The following RIPOR2 variants were observed in gnomAD, a reference collection of about 807,000 sequenced individuals.
RIPOR2 encodes the protein rho family-interacting cell polarization regulator 2.
Under a neutral mutation model 114.5 loss-of-function variants are expected in RIPOR2, and 39 were observed. That is an observed-to-expected ratio of 0.34 (90% CI 0.26 to 0.44). The LOEUF (loss-of-function observed/expected upper bound fraction) is 0.44. RIPOR2 is among the 20% of genes least tolerant of loss of function. The pLI is 1.00. For synonymous variants in RIPOR2, 445 were observed against 484.4 expected (o/e 0.92, Z 1.07); for missense variants, 1,007 against 1,255.1 (o/e 0.80, Z 2.99).
intron 21 of RIPOR2, 42 bp from the exon 22 acceptor site, chr6:24,806,515 G>T (rs773105127): frequency 7.3e-7 from 1 of 1,375,106 alleles, no homozygotes; most frequent in Non-Finnish European, 1.0e-6. Flanking sequence ...TTCAAACAAC[G>T]TTTTTATTAA....
intron 12 of RIPOR2, among the ~76,000 whole-genome samples, chr6:24,845,374 C>T (rs1762159153): frequency 6.6e-6 from 1 of 152,118 alleles, no homozygotes; most frequent in African/African-American, 2.4e-5. Flanking sequence ...TGCCTGGAGC[C>T]TTCTCCCTAG....
At chr6:24,828,046 AGGC>A in intron 18 of RIPOR2, 88 bp downstream of exon 18, 1 of 1,157,428 alleles carries the variant, frequency 8.6e-7, no homozygotes, top group Non-Finnish European at 1.2e-6. Context: ...GAAAAATAAA[AGGC>A]CATCATTGCC....
At position 24,868,684 on chromosome 6, in the gene RIPOR2, G is replaced by A. The variant is rs368153964; in HGVS notation, c.501+410C>T. Among the ~76,000 whole-genome samples, 104 of 152,256 alleles carry A rather than the reference G, an allele frequency of 6.8e-4. 1 individual carries two copies. The South Asian group carries it at 0.019, about 28-fold the overall frequency. ...AGATTGAGGGAGGCGCTGAGACAGT[G>A]GTCTTTTGGTAGTTATAAGGCCTTC... is the stretch of plus-strand genomic sequence containing the variant. On this transcript the variant is annotated intron_variant, in intron 6 of 21. Coordinates refer to ENST00000643898, the MANE Select transcript of RIPOR2 (RefSeq NM_001286445.3).
rs1308464015 is a variant in RIPOR2, at chr6:24,927,146, C to CAACTACAAT, written c.61+8691_61+8692insATTGTAGTT. On this transcript the variant is annotated intron_variant, in intron 1 of 21. Coordinates refer to ENST00000643898, the MANE Select transcript of RIPOR2 (RefSeq NM_001286445.3). ...AATCATCATCTCACTACCACCACCA[C>CAACTACAAT]CACCACCACCACCACAACTACAATC... is the stretch of plus-strand genomic sequence containing the variant. Among the ~76,000 whole-genome samples, 38 of 97,368 alleles carry CAACTACAAT rather than the reference C, an allele frequency of 3.9e-4. 13 individuals are homozygous for CAACTACAAT. Among genetic ancestry groups the CAACTACAAT allele is most frequent in the Non-Finnish European group, 5.1e-4 (24 of 46,752 alleles). The allele number at this position is 97,368 out of a possible 152,430, so 63.9% of individuals were successfully genotyped here.
At position 24,835,887 on chromosome 6, in the gene RIPOR2, A is replaced by G; in HGVS notation, c.2040-16T>C. 1.9e-6 allele frequency: 3 copies of G among 1,551,002 alleles called. No individual in the cohort carries two copies. Among genetic ancestry groups the G allele is most frequent in the Non-Finnish European group, 2.6e-6 (3 of 1,146,710 alleles). On this transcript the variant is annotated splice_polypyrimidine_tract_variant and intron_variant, in intron 14 of 21. Transcript: ENST00000643898. The stretch of plus-strand genomic sequence containing the variant: ...CGACCTGTAACTATTGAAGGTGGGC[A>G]AAACATTAGCTATTCTTTTTCTGTG...
intron 1 of RIPOR2, among the ~76,000 whole-genome samples, chr6:25,024,730 C>T (rs1047911311): frequency 6.6e-6 from 1 of 152,194 alleles, no homozygotes; most frequent in African/African-American, 2.4e-5. Context: ...TGCTGTTTCT[C>T]CTAACTTGTA....
chr6:24,844,473 C>CTT (rs1473218248), intron 12 of RIPOR2, among the ~76,000 whole-genome samples: 2 of 143,522 alleles, frequency 1.4e-5, no homozygotes, highest in Non-Finnish European at 3.1e-5. Context: ...GTTAATTTTT[C>CTT]TTTTTTTTTT....
chr6:24,858,392 T>C lies in RIPOR2; in HGVS notation c.715+2581A>G, dbSNP rs1423786043. 6.6e-6 allele frequency among the ~76,000 whole-genome samples: 1 copy of C among 152,192 alleles called. No homozygotes were observed. The highest frequency in any genetic ancestry group is 1.5e-5 in the Non-Finnish European group (1 of 68,032). On this transcript the variant is annotated intron_variant, in intron 8 of 21. Coordinates refer to ENST00000643898, the MANE Select transcript of RIPOR2 (RefSeq NM_001286445.3). This position sits in a 1 kb window ranked among gnomAD's most constrained non-coding sequence, Gnocchi z 4.0. ...GGGTGTGGCACGAGGAAGTTAGTGG[T>C]TGCCAGGTCTGAGAGTATTGTGAAA...
rs1381023388 is a variant in RIPOR2 at position 24,806,034 on chromosome 6, GA to G, written c.*338del. 8.9e-6 allele frequency: 2 copies of G among 224,826 alleles called. No individual in the cohort carries two copies. Among genetic ancestry groups the G allele is most frequent in the Non-Finnish European group, 1.7e-5 (2 of 115,150 alleles). 13.9% of individuals were successfully genotyped at this position (224,826 alleles called of 1,614,324 possible). On this transcript the variant is annotated 3_prime_UTR_variant, in exon 22 of 22. Coordinates refer to ENST00000643898, the MANE Select transcript of RIPOR2 (RefSeq NM_001286445.3). ...GGGCAATTATGGCTCACTGCAGCCT[GA>G]ATCTTCTGGGCTCAAGCAATCCTCC...
At chr6:24,846,454 T>TACC (rs1384121315) in intron 12 of RIPOR2, among the ~76,000 whole-genome samples, 1 of 151,964 alleles carries the variant, frequency 6.6e-6, no homozygotes, top group African/African-American at 2.4e-5. Flanking sequence ...CACAAGTGTG[T>TACC]ACCACCACAA....
intron 19 of RIPOR2, among the ~76,000 whole-genome samples, chr6:24,823,069 C>T (rs549886453): frequency 6.6e-6 from 1 of 152,342 alleles, no homozygotes; most frequent in African/African-American, 2.4e-5. Context: ...ATATTTCCTA[C>T]TTGTCTAGGT....
intron 19 of RIPOR2, 115 bp downstream of exon 19, chr6:24,825,097 TTTATGGAGCACACA>T (rs1292309117): frequency 1.4e-6 from 1 of 710,830 alleles, no homozygotes; most frequent in African/African-American, 1.8e-5. Flanking sequence ...TTTTGATTGC[TTTATGGAGCACACA>T]TTATTAATAC....
At chr6:24,806,962 C>T (rs573453777) in intron 21 of RIPOR2, among the ~76,000 whole-genome samples, 2 of 152,288 alleles carry the variant, frequency 1.3e-5, no homozygotes, top group East Asian at 3.9e-4. Context: ...TACAGAGATG[C>T]CTTCTACCAG....
chr6:25,031,750 T>TAA (rs1277482515), intron 1 of RIPOR2, among the ~76,000 whole-genome samples: 13 of 62,208 alleles, frequency 2.1e-4, no homozygotes, highest in Non-Finnish European at 3.9e-4. Flanking sequence ...TATATATATA[T>TAA]AAAATATCCA....
At chr6:24,847,977 A>C in intron 12 of RIPOR2, 48 bp downstream of exon 12, 1 of 1,611,868 alleles carries the variant, frequency 6.2e-7, no homozygotes, top group Non-Finnish European at 8.5e-7. Flanking sequence ...GGGTGCAAGC[A>C]CTGGCTCAGG....
At chr6:24,819,344 T>C (rs1229158639) in intron 19 of RIPOR2, among the ~76,000 whole-genome samples, 1 of 152,004 alleles carries the variant, frequency 6.6e-6, no homozygotes, top group Non-Finnish European at 1.5e-5. Context: ...AATGATGGCT[T>C]AGATTTCAGT....
intron 1 of RIPOR2, among the ~76,000 whole-genome samples, chr6:25,005,523 A>T (rs1775512485): frequency 6.6e-6 from 1 of 151,694 alleles, no homozygotes; most frequent in Non-Finnish European, 1.5e-5. Context: ...GAAGCATAAG[A>T]AATCTATGTC....
intron 1 of RIPOR2, among the ~76,000 whole-genome samples, chr6:25,013,380 G>A (rs150261385): frequency 6.6e-6 from 1 of 152,282 alleles, no homozygotes; most frequent in East Asian, 1.9e-4. Context: ...TGTGCACAGT[G>A]TAGGGCAGGG....
intron 1 of RIPOR2, among the ~76,000 whole-genome samples, chr6:24,992,009 C>A (rs980495857): frequency 6.6e-6 from 1 of 152,132 alleles, no homozygotes; most frequent in African/African-American, 2.4e-5. Context: ...ATTTTAAAAG[C>A]TTTGACTCTT....
Sources: gnomAD v4.1 joint callset for allele counts (sites outside exome capture counted in the v4.1 genomes callset) on GRCh38, gnomAD v4.1.1 for gene constraint, Gnocchi (gnomAD v3.1) non-coding constraint, MANE v1.5 for transcripts, NCBI Gene and HGNC (gene_info 2026-07-23, HGNC 2026-07-21) for gene names.